Variants in ZNF365 observed in about 807,000 individuals in gnomAD.
ZNF365 encodes the protein zinc finger protein 365, also known as protein ZNF365.
In ZNF365, 22 loss-of-function variants were observed where a neutral mutation model predicts 35.0. That is an observed-to-expected ratio of 0.63 (90% CI 0.45 to 0.90). ZNF365 has a LOEUF of 0.90. Ranked by LOEUF, ZNF365 falls within the 40% of genes least tolerant of loss-of-function variation. The pLI is 0.00. For synonymous variants in ZNF365, 188 were observed against 196.2 expected (o/e 0.96, Z 0.35); for missense variants, 448 against 500.3 (o/e 0.90, Z 1.00).
At chr10:62,397,569 C>G (rs867718672) in intron 3 of ZNF365, among the ~76,000 whole-genome samples, 3 of 152,182 alleles carry the variant, frequency 2.0e-5, no homozygotes, top group Non-Finnish European at 2.9e-5. Context: ...GGTGACATCT[C>G]TATCACAAAA....
At chr10:62,381,303 CCT>C (rs1301533248) in intron 2 of ZNF365, among the ~76,000 whole-genome samples, 2 of 152,086 alleles carry the variant, frequency 1.3e-5, no homozygotes, top group African/African-American at 2.4e-5. Context: ...GAAGGTTGCC[CCT>C]GTTTCCTGCT....
chr10:62,405,161 C>T (rs910424193), downstream of ZNF365, among the ~76,000 whole-genome samples: 28 of 152,170 alleles, frequency 1.8e-4, no homozygotes, highest in African/African-American at 6.8e-4. Flanking sequence ...AGCCAGGAAC[C>T]TCATCTGGTG....
intron 3 of ZNF365, among the ~76,000 whole-genome samples, chr10:62,449,814 AT>A (rs200049664): frequency 0.048 from 6,741 of 141,490 alleles, 184 homozygotes; most frequent in East Asian, 0.21. Context: ...AGCCTGGTTC[AT>A]TTTTTTTTTT....
intron 3 of ZNF365, among the ~76,000 whole-genome samples, chr10:62,394,948 C>T (rs1369772530): frequency 6.6e-6 from 1 of 152,052 alleles, no homozygotes; most frequent in South Asian, 2.1e-4. Flanking sequence ...GAGTGAGATC[C>T]GGGCTGGGGA....
intron 3 of ZNF365, among the ~76,000 whole-genome samples, chr10:62,411,230 G>A (rs942917372): frequency 6.6e-6 from 1 of 152,076 alleles, no homozygotes; most frequent in African/African-American, 2.4e-5. Context: ...TTTGTAAGTT[G>A]TCTGTTCACT....
rs944609215 is a variant in ZNF365, at chr10:62,420,742, C to T, written c.924+32166C>T. ...GACATTCCACTGGTTTTGTATGCAC[C>T]TAATGTCTTCTAGAATGGTTTCTGT... On this transcript the variant is annotated intron_variant, in intron 3 of 4. Transcript: ENST00000395255. Among the ~76,000 whole-genome samples the T allele has an allele frequency of 7.3e-5, 11 of 151,672 alleles. No homozygotes were observed. In the South Asian group the frequency reaches 2.3e-3, roughly 32 times the overall value.
intron 3 of ZNF365, among the ~76,000 whole-genome samples, chr10:62,444,751 A>G (rs1281342447): frequency 6.6e-6 from 1 of 152,108 alleles, no homozygotes; most frequent in African/African-American, 2.4e-5. Context: ...AGGCAGATGC[A>G]GTCCCCAGTT....
At chr10:62,412,791 A>C (rs1296194325) in intron 3 of ZNF365, among the ~76,000 whole-genome samples, 1 of 152,188 alleles carries the variant, frequency 6.6e-6, no homozygotes, top group Non-Finnish European at 1.5e-5. Flanking sequence ...AAATGGAAAA[A>C]CATTCCATGC....
rs574090834 is a variant in ZNF365 at position 62,387,150 on chromosome 10, T to G, written c.744-1246T>G. Among the ~76,000 whole-genome samples, 73 of 152,324 alleles carry G rather than the reference T, an allele frequency of 4.8e-4. 1 individual carries two copies. The highest frequency in any genetic ancestry group is 3.4e-3 in the Middle Eastern group (1 of 294). On this transcript the variant is annotated intron_variant, in intron 2 of 4. Transcript: ENST00000395254. ...TAAAAGGATATTCATGGCTTCTTAT[T>G]AAGTGAAGACAATAGGGTAGAGAGA...
chr10:62,437,894 C>G (rs765023696), intron 3 of ZNF365, among the ~76,000 whole-genome samples: 3 of 152,090 alleles, frequency 2.0e-5, no homozygotes, highest in Non-Finnish European at 4.4e-5. Context: ...TTTTATTGGT[C>G]GCCTGGTGAG....
intron 1 of ZNF365, 123 bp from the exon 2 acceptor site, chr10:62,376,057 TA>T: frequency 9.3e-7 from 1 of 1,072,398 alleles, no homozygotes; most frequent in Non-Finnish European, 1.4e-6. Context: ...AAGTGCAACA[TA>T]AAATATTATG....
chr10:62,472,284 G>A (rs1233460785), intron 4 of ZNF365, among the ~76,000 whole-genome samples: 3 of 152,294 alleles, frequency 2.0e-5, no homozygotes, highest in Non-Finnish European at 2.9e-5. Context: ...ATACTGTGTT[G>A]ATGGAATAAA....
chr10:62,432,303 C>T (rs1042734985), intron 3 of ZNF365, among the ~76,000 whole-genome samples: 7 of 152,166 alleles, frequency 4.6e-5, no homozygotes, highest in African/African-American at 1.7e-4. Flanking sequence ...CCCATATTGT[C>T]TCCATCATTT....
At position 62,399,657 on chromosome 10, in the gene ZNF365, C is replaced by T. The variant is rs148384716; in HGVS notation, c.1092C>T (p.His364=). The change falls in exon 5 of 5, where the codon CAC becomes CAT. Residue 364 remains histidine, a synonymous_variant. Coordinates refer to ENST00000395254, the MANE Select transcript of ZNF365 (RefSeq NM_014951.3). ...RASMQPAKAI[H]EQAESSRDLC... ...GCATGCAGCCTGCCAAGGCCATTCACGAACAGGCTGAGTCCTCAAGAGACC... is the reference window on the plus strand; with the variant it reads ...GCATGCAGCCTGCCAAGGCCATTCATGAACAGGCTGAGTCCTCAAGAGACC... 38 of 1,614,088 alleles carry T rather than the reference C, an allele frequency of 2.4e-5. No individual in the cohort carries two copies. The highest frequency in any genetic ancestry group is 6.6e-5 in the South Asian group (6 of 91,060).
At chr10:62,435,954 A>G (rs1437810691) in intron 3 of ZNF365, among the ~76,000 whole-genome samples, 1 of 152,142 alleles carries the variant, frequency 6.6e-6, no homozygotes, top group African/African-American at 2.4e-5. Flanking sequence ...GTTCTGTGGT[A>G]TTTTGTCCTT....
chr10:62,417,715 A>G (rs1289347198), intron 3 of ZNF365, among the ~76,000 whole-genome samples: 2 of 151,840 alleles, frequency 1.3e-5, no homozygotes, highest in African/African-American at 4.8e-5. Context: ...ATAGAGTGAC[A>G]TTCCAGGAAT....
intron 3 of ZNF365, among the ~76,000 whole-genome samples, chr10:62,445,961 G>A (rs139614964): frequency 2.1e-3 from 315 of 152,176 alleles, no homozygotes; most frequent in African/African-American, 6.7e-3. Flanking sequence ...TTGTCTCATC[G>A]GATACCTTTA....
chr10:62,429,279 T>C (rs1242973632), intron 3 of ZNF365, among the ~76,000 whole-genome samples: 1 of 152,210 alleles, frequency 6.6e-6, no homozygotes, highest in Non-Finnish European at 1.5e-5. Flanking sequence ...CTGTTTCACA[T>C]ATTGTTGGTG....
intron 3 of ZNF365, among the ~76,000 whole-genome samples, chr10:62,407,625 T>G (rs146568160): frequency 9.3e-4 from 141 of 152,298 alleles, no homozygotes; most frequent in African/African-American, 3.2e-3. Flanking sequence ...GCCCTGTGAT[T>G]GTTAAAGTCT....
Sources: allele counts gnomAD v4.1 joint callset (sites outside exome capture counted in the v4.1 genomes callset), GRCh38; gene constraint gnomAD v4.1.1; transcripts MANE v1.5; gene names NCBI Gene and HGNC (gene_info 2026-07-23, HGNC 2026-07-21).